METTL15: variants seen among roughly 807,000 people sequenced by gnomAD.
METTL15 encodes the protein methyltransferase 15, mitochondrial 12S rRNA N4-cytidine.
METTL15 carries 34 observed loss-of-function variants against 38.3 expected under a neutral mutation model. That is an observed-to-expected ratio of 0.89 (90% confidence interval 0.68 to 1.18). The LOEUF (loss-of-function observed/expected upper bound fraction) is 1.18, where lower values mean the gene tolerates loss of function less well. Among genes scored for constraint, METTL15 ranks in the 50% most tolerant of loss-of-function variants. METTL15 has a pLI of 0.00. For synonymous variants in METTL15, 162 were observed against 170.9 expected, an observed-to-expected ratio of 0.95 and a Z score of 0.41; for missense variants, 438 against 498.4, an observed-to-expected ratio of 0.88 and a Z score of 1.15.
intron 6 of METTL15, among the ~76,000 whole-genome samples, chr11:28,301,840 A>G (rs6484365): frequency 1 from 151,690 of 152,250 alleles, 75,572 homozygotes; most frequent in Non-Finnish European, 1. Context: ...TAATTACTGT[A>G]TCATAGCATT....
chr11:28,351,759 G>T (rs965237635), intron 3 of METTL15, among the ~76,000 whole-genome samples: 11 of 152,200 alleles, frequency 7.2e-5, no homozygotes, highest in Non-Finnish European at 1.2e-4. Context: ...GGTGTGGCAG[G>T]AAATTTACAA....
chr11:28,417,880 C>T (rs998403675), intron 5 of METTL15, among the ~76,000 whole-genome samples: 14 of 152,058 alleles, frequency 9.2e-5, no homozygotes, highest in African/African-American at 3.4e-4. Flanking sequence ...ATAGGTTCAT[C>T]TAAACTATTT....
intron 6 of METTL15, among the ~76,000 whole-genome samples, chr11:28,465,127 T>G (rs1165737663): frequency 6.6e-6 from 1 of 152,206 alleles, no homozygotes; most frequent in Non-Finnish European, 1.5e-5. Context: ...CATTTTCTTA[T>G]GAGAAGTCGC....
At chr11:28,261,992 T>C (rs950306235) in intron 4 of METTL15, among the ~76,000 whole-genome samples, 1 of 152,150 alleles carries the variant, frequency 6.6e-6, no homozygotes, top group African/African-American at 2.4e-5. Context: ...AACTAATCAT[T>C]GGCAGAGCCA....
At chr11:28,506,736 CTTTTTTTTTTTTT>C (rs71449180) in intron 6 of METTL15, among the ~76,000 whole-genome samples, 2 of 111,618 alleles carry the variant, frequency 1.8e-5, no homozygotes. Flanking sequence ...ATCTCAGTCT[CTTTTTTTTTTTTT>C]TTTTTTTTTT....
intron 4 of METTL15, among the ~76,000 whole-genome samples, chr11:28,234,232 C>G (rs930391856): frequency 6.6e-6 from 1 of 152,024 alleles, no homozygotes; most frequent in Non-Finnish European, 1.5e-5. Context: ...GGTTCCAGGT[C>G]TTTGCTATTG....
At chr11:28,416,683 T>C (rs1850775181) in intron 5 of METTL15, among the ~76,000 whole-genome samples, 1 of 152,190 alleles carries the variant, frequency 6.6e-6, no homozygotes, top group Admixed American at 6.5e-5. Flanking sequence ...GATACTTTGC[T>C]CTTTTGTAGC....
chr11:28,267,221 T>TGTCTA (rs1256688722), intron 4 of METTL15, among the ~76,000 whole-genome samples: 16 of 149,096 alleles, frequency 1.1e-4, no homozygotes, highest in Admixed American at 1.0e-3. Context: ...GGCCCTCCAG[T>TGTCTA]GTCTAGTCTC....
intron 5 of METTL15, among the ~76,000 whole-genome samples, chr11:28,377,813 A>G (rs1380526206): frequency 6.0e-5 from 9 of 150,158 alleles, no homozygotes; most frequent in Admixed American, 4.0e-4. Context: ...GTCTTTGATG[A>G]TGAAGTACAG....
At chr11:28,195,766 T>C (rs1390957707) in intron 3 of METTL15, among the ~76,000 whole-genome samples, 1 of 152,044 alleles carries the variant, frequency 6.6e-6, no homozygotes, top group Non-Finnish European at 1.5e-5. Context: ...TTGCATTCTT[T>C]GTTATAAATT....
chr11:28,116,299 A>G (rs1317367965), intron 3 of METTL15, among the ~76,000 whole-genome samples: 1 of 152,200 alleles, frequency 6.6e-6, no homozygotes, highest in Non-Finnish European at 1.5e-5. Flanking sequence ...TCACAAGAGA[A>G]AAAAGTATTG....
At chr11:28,392,493 G>A (rs943845178) in intron 5 of METTL15, among the ~76,000 whole-genome samples, 1 of 152,048 alleles carries the variant, frequency 6.6e-6, no homozygotes, top group Non-Finnish European at 1.5e-5. Context: ...GGAAAAGATA[G>A]TCTCTTCAAC....
rs572862749 is a variant in METTL15 at position 28,368,152 on chromosome 11, CA to C, written c.*358+6127del. Among the ~76,000 whole-genome samples, 432 of 108,708 alleles carry C rather than the reference CA, an allele frequency of 4.0e-3. 1 individual carries two copies. Among genetic ancestry groups the C allele is most frequent in the African/African-American group, 0.012 (338 of 29,046 alleles). The allele number at this position is 108,708 out of a possible 152,430, so 71.3% of individuals were successfully genotyped here. On this transcript the variant is annotated intron_variant and NMD_transcript_variant, in intron 5 of 7. Coordinates refer to the METTL15 transcript ENST00000532947. ...GCAAAAAAAAAAAAAACAAAAAAAA[CA>C]AAAAAAAAAACAAAGAAAAAAACAG...
At chr11:28,487,254 A>G (rs1262012409) in intron 6 of METTL15, among the ~76,000 whole-genome samples, 1 of 152,172 alleles carries the variant, frequency 6.6e-6, no homozygotes, top group Non-Finnish European at 1.5e-5. Context: ...TGCTATGAGG[A>G]CGTTCATCTC....
intron 5 of METTL15, chr11:28,398,974 A>C (rs1011433994): frequency 1.3e-5 from 2 of 152,032 alleles, no homozygotes; most frequent in Non-Finnish European, 2.9e-5. Flanking sequence ...GAACCAAAAA[A>C]GGGCCCATAT....
chr11:28,326,019 A>G (rs536189639), intron 6 of METTL15, among the ~76,000 whole-genome samples: 4 of 152,354 alleles, frequency 2.6e-5, no homozygotes, highest in Non-Finnish European at 5.9e-5. Context: ...ACCTAATGAC[A>G]CAAATTGTGA....
chr11:28,326,972 T>C (rs1002624659), intron 6 of METTL15, among the ~76,000 whole-genome samples: 1 of 152,106 alleles, frequency 6.6e-6, no homozygotes, highest in Non-Finnish European at 1.5e-5. Context: ...TTTGTTTCTT[T>C]TTAATTTCAT....
At chr11:28,415,906 A>G (rs895089143) in intron 5 of METTL15, among the ~76,000 whole-genome samples, 3 of 152,232 alleles carry the variant, frequency 2.0e-5, no homozygotes, top group African/African-American at 7.2e-5. Context: ...GGGAGAAAGA[A>G]CTAAGCAGTC....
chr11:28,322,241 G>A lies in METTL15; in HGVS notation c.779-8155G>A, dbSNP rs548590023. ...ATTAAAAGACATTTACAAATGTTCA[G>A]GAAAAAATATTTTTAACTATGTAAA... is the stretch of plus-strand genomic sequence containing the variant. On this transcript the variant is annotated intron_variant, in intron 6 of 6. Coordinates refer to ENST00000407364, the MANE Select transcript of METTL15 (RefSeq NM_001113528.2). Among the ~76,000 whole-genome samples, 19 of 151,966 alleles carry A rather than the reference G, an allele frequency of 1.3e-4. No individual in the cohort carries two copies. The East Asian group carries it at 2.9e-3, about 23-fold the overall frequency.
Sources: gnomAD v4.1 joint callset for allele counts (sites outside exome capture counted in the v4.1 genomes callset) on GRCh38, gnomAD v4.1.1 for gene constraint, MANE v1.5 for transcripts, NCBI Gene and HGNC (gene_info 2026-07-23, HGNC 2026-07-21) for gene names.